The following USP13 variants were observed in gnomAD, a reference collection of about 807,000 sequenced individuals.
USP13 encodes ubiquitin carboxyl-terminal hydrolase 13.
A neutral mutation model predicts 107.8 loss-of-function variants in USP13; 68 were observed. That is an observed-to-expected ratio of 0.63 (90% CI 0.52 to 0.77). The LOEUF (loss-of-function observed/expected upper bound fraction) is 0.77. Among genes scored for constraint, USP13 ranks in the 30% least tolerant of loss-of-function variants. The probability of loss-of-function intolerance (pLI) is 0.00; values close to 1 mark genes in which losing one functional copy is unlikely to be tolerated. For synonymous variants in USP13, 377 were observed against 389.5 expected, an observed-to-expected ratio of 0.97 and a Z score of 0.38; for missense variants, 945 against 1,093.3, an observed-to-expected ratio of 0.86 and a Z score of 1.91.
At chr3:179,736,679 G>A (rs533534319) in intron 10 of USP13, among the ~76,000 whole-genome samples, 5 of 152,348 alleles carry the variant, frequency 3.3e-5, no homozygotes, top group African/African-American at 1.2e-4. Flanking sequence ...GAAATGAAAT[G>A]GTCACAGAAG....
At chr3:179,726,812 C>A (rs1286641918) in intron 8 of USP13, among the ~76,000 whole-genome samples, 1 of 151,918 alleles carries the variant, frequency 6.6e-6, no homozygotes, top group African/African-American at 2.4e-5. Context: ...CGAGTAGCTG[C>A]AATTATAGGT....
intron 1 of USP13, among the ~76,000 whole-genome samples, chr3:179,673,769 C>G (rs977828468): frequency 4.6e-5 from 7 of 152,152 alleles, no homozygotes; most frequent in African/African-American, 1.7e-4. Context: ...GCTTTCCTGG[C>G]GGGTGAGACA....
Position 179,728,278 on chromosome 3 carries a change from G to A in USP13, c.1089-1911G>A, listed in dbSNP as rs1224835418. On this transcript the variant is annotated intron_variant, in intron 8 of 20. Transcript: ENST00000263966. Reference sequence around the variant, plus strand: ...TCACTTCCCAGACGGGGCAGTTGCCGGGCGGAGGGTCTCCTCACTTCTCAG... The same window carrying A: ...TCACTTCCCAGACGGGGCAGTTGCCAGGCGGAGGGTCTCCTCACTTCTCAG... 2.8e-3 allele frequency among the ~76,000 whole-genome samples: 426 copies of A among 149,676 alleles called. 1 individual carries two copies. The highest frequency in any genetic ancestry group is 8.2e-3 in the Admixed American group (124 of 15,092).
At chr3:179,661,509 C>T (rs1224887035) in intron 1 of USP13, among the ~76,000 whole-genome samples, 3 of 151,264 alleles carry the variant, frequency 2.0e-5, no homozygotes, top group Admixed American at 6.6e-5. Context: ...GTAGGGTGAC[C>T]TGGCTGGGCT....
intron 16 of USP13, among the ~76,000 whole-genome samples, chr3:179,757,344 T>A (rs1471720102): frequency 6.6e-6 from 1 of 152,156 alleles, no homozygotes; most frequent in Non-Finnish European, 1.5e-5. Flanking sequence ...TGGAGTAATT[T>A]ACTTACCTTC....
chr3:179,783,743 C>T (rs573646500), intron 20 of USP13, among the ~76,000 whole-genome samples: 6 of 152,068 alleles, frequency 3.9e-5, no homozygotes, highest in African/African-American at 1.4e-4. Context: ...TGGCATGTGC[C>T]TGTGTTCCCA....
At chr3:179,705,104 AG>A (rs1356523803) in intron 4 of USP13, among the ~76,000 whole-genome samples, 2 of 152,076 alleles carry the variant, frequency 1.3e-5, no homozygotes, top group Non-Finnish European at 2.9e-5. Context: ...GGCCCATCGC[AG>A]GGCTGCTAGA....
At position 179,742,047 on chromosome 3, in the gene USP13, T is replaced by C. The variant is rs1714219372; in HGVS notation, c.1381-150T>C. On this transcript the variant is annotated intron_variant, in intron 11 of 20. Coordinates refer to ENST00000263966, the MANE Select transcript of USP13 (RefSeq NM_003940.3). This position sits in a 1 kb window ranked among gnomAD's most constrained non-coding sequence, Gnocchi z 5.0. ...TGGACTTTAGATAAATTCCAGTGTT[T>C]TTCTATTAAAGTGCTTTGGTGAATG... 2 of 897,330 alleles carry C rather than the reference T, an allele frequency of 2.2e-6. No individual in the cohort carries two copies. The highest frequency in any genetic ancestry group is 3.4e-5 in the African/African-American group (2 of 59,308). The allele number at this position is 897,330 out of a possible 1,614,324, so 55.6% of individuals were successfully genotyped here.
At chr3:179,694,114 C>T (rs558904579) in intron 3 of USP13, among the ~76,000 whole-genome samples, 107 of 152,142 alleles carry the variant, frequency 7.0e-4, no homozygotes, top group Admixed American at 5.2e-3. Context: ...GCTGGGACCA[C>T]AGGCATGCGC....
rs372850631 is a variant in USP13, at chr3:179,722,391, G to GA, written c.1088+803dup. On this transcript the variant is annotated intron_variant, in intron 8 of 20. Coordinates refer to ENST00000263966, the MANE Select transcript of USP13 (RefSeq NM_003940.3). The stretch of plus-strand genomic sequence containing the variant: ...CTTCAATGAGATAAGTTTGGAAATC[G>GA]AGAGTGAGCATTGGGAAATTGTAAC... Among the ~76,000 whole-genome samples, 76 of 152,278 alleles carry GA rather than the reference G, an allele frequency of 5.0e-4. 1 individual carries two copies. The highest frequency in any genetic ancestry group is 1.7e-3 in the African/African-American group (70 of 41,548).
rs906564518 is a variant in USP13, at chr3:179,745,040, C to T, written c.1535-3C>T. 5.6e-6 allele frequency: 9 copies of T among 1,613,992 alleles called. No individual in the cohort carries two copies. In the Admixed American group the frequency reaches 1.2e-4, roughly 21 times the overall value. ...AAGGTCTTTGATTTGCTCTTTCACC[C>T]AGATGAACTGATCGCTTATGAACTA... On this transcript the variant is annotated splice_region_variant and splice_polypyrimidine_tract_variant and intron_variant, in intron 12 of 20. Coordinates refer to ENST00000263966, the MANE Select transcript of USP13 (RefSeq NM_003940.3).
At chr3:179,683,970 T>C (rs1349529954) in intron 2 of USP13, among the ~76,000 whole-genome samples, 1 of 152,136 alleles carries the variant, frequency 6.6e-6, no homozygotes, top group Non-Finnish European at 1.5e-5. Context: ...GTTTTATTTA[T>C]TTATTTTTTG....
At chr3:179,715,871 T>C (rs1219641550) in intron 6 of USP13, among the ~76,000 whole-genome samples, 1 of 152,192 alleles carries the variant, frequency 6.6e-6, no homozygotes, top group Non-Finnish European at 1.5e-5. Context: ...AGCTTTGCTT[T>C]TTCTCTCCAT....
At chr3:179,701,388 G>T (rs932201484) in intron 4 of USP13, among the ~76,000 whole-genome samples, 1 of 151,972 alleles carries the variant, frequency 6.6e-6, no homozygotes, top group Non-Finnish European at 1.5e-5. Context: ...CTCATTAGCT[G>T]GTCTCTTCCA....
rs71628092 is a variant in USP13, at chr3:179,699,747, TTTTATTTATTTATTTA to T, written c.356-1233_356-1218del. ...TTGCATTTTAGCTGTATCTTATTTA[TTTTATTTATTTATTTA>T]TTTATTTATTTATTTATTTATTTAT... On this transcript the variant is annotated intron_variant, in intron 3 of 20. Coordinates refer to ENST00000263966, the MANE Select transcript of USP13 (RefSeq NM_003940.3). Among the ~76,000 whole-genome samples the T allele has an allele frequency of 8.1e-3, 1,116 of 138,042 alleles. 21 individuals carry two copies. Among genetic ancestry groups the T allele is most frequent in the South Asian group, 0.069 (301 of 4,378 alleles). 90.6% of individuals were successfully genotyped at this position (138,042 alleles called of 152,430 possible). A position where few individuals can be genotyped will look rare whatever the true frequency, so the allele number is the denominator to read the frequency against.
At chr3:179,684,753 T>G (rs1429656244) in intron 2 of USP13, among the ~76,000 whole-genome samples, 3 of 143,160 alleles carry the variant, frequency 2.1e-5, no homozygotes, top group African/African-American at 7.9e-5. Context: ...TGCAAGCACT[T>G]TTTCCATGTT....
intron 19 of USP13, among the ~76,000 whole-genome samples, chr3:179,771,613 C>T: frequency 6.6e-6 from 1 of 152,280 alleles, no homozygotes; most frequent in Non-Finnish European, 1.5e-5. Context: ...TTGAGAATTA[C>T]CACCTTAAAA....
At chr3:179,763,824 G>A (rs996851230) in intron 17 of USP13, among the ~76,000 whole-genome samples, 178 bp from the exon 18 acceptor site, 2 of 152,068 alleles carry the variant, frequency 1.3e-5, no homozygotes, top group African/African-American at 2.4e-5. Flanking sequence ...GACCTCAGGC[G>A]ATCCACTCGC....
chr3:179,778,494 T>C (rs1560084823), intron 19 of USP13, among the ~76,000 whole-genome samples: 1 of 152,212 alleles, frequency 6.6e-6, no homozygotes, highest in Non-Finnish European at 1.5e-5. Flanking sequence ...CTGGGCATGG[T>C]GGCTCATACC....
Sources: gnomAD v4.1 joint callset for allele counts (sites outside exome capture counted in the v4.1 genomes callset) on GRCh38, gnomAD v4.1.1 for gene constraint, Gnocchi (gnomAD v3.1) non-coding constraint, MANE v1.5 for transcripts, NCBI Gene and HGNC (gene_info 2026-07-23, HGNC 2026-07-21) for gene names.